INIP: variants seen among roughly 807,000 people sequenced by gnomAD.
INIP encodes the protein INTS3 and NABP interacting protein.
In INIP, 9 loss-of-function variants were observed where a neutral mutation model predicts 14.0. The observed-to-expected ratio is 0.64, with a 90% CI of 0.39 to 1.12. The LOEUF is 1.12. Ranked by LOEUF, INIP falls within the 50% of genes most tolerant of loss-of-function variation. The pLI is 0.01. For synonymous variants in INIP, 37 were observed against 41.5 expected (o/e 0.89, Z 0.41); for missense variants, 78 against 122.7 (o/e 0.64, Z 1.72).
chr9:112,684,777 TG>T lies in INIP; in HGVS notation c.*2760del, dbSNP rs548474270. On this transcript the variant is annotated 3_prime_UTR_variant, in exon 5 of 5. Coordinates refer to ENST00000374242, the MANE Select transcript of INIP (RefSeq NM_021218.3). ...ACACTAGTCTAGACAATTTCTGACATGGGCAGAGCATGTGCTTGTTCTCACC... is the reference window on the plus strand; with the variant it reads ...ACACTAGTCTAGACAATTTCTGACATGGCAGAGCATGTGCTTGTTCTCACC... The T allele has an allele frequency of 1.9e-3, 284 of 152,316 alleles. 2 individuals are homozygous for T. The highest frequency in any genetic ancestry group is 6.6e-3 in the African/African-American group (275 of 41,560). 9.4% of individuals were successfully genotyped at this position (152,316 alleles called of 1,614,324 possible).
At chr9:112,706,130 G>A (rs1838460541) in intron 2 of INIP, among the ~76,000 whole-genome samples, 1 of 152,146 alleles carries the variant, frequency 6.6e-6, no homozygotes, top group African/African-American at 2.4e-5. Flanking sequence ...TTAGAGAAAT[G>A]CAAATCAAAA....
intron 2 of INIP, among the ~76,000 whole-genome samples, chr9:112,697,286 AC>A (rs1838129039): frequency 6.6e-6 from 1 of 152,220 alleles, no homozygotes; most frequent in South Asian, 2.1e-4. Flanking sequence ...AAGTGGGAGG[AC>A]CACTTGAGGC....
chr9:112,708,042 T>G (rs1011492255), intron 2 of INIP, among the ~76,000 whole-genome samples: 1 of 152,208 alleles, frequency 6.6e-6, no homozygotes, highest in Non-Finnish European at 1.5e-5. Flanking sequence ...TGATTCTAGC[T>G]TTCATGGTTT....
At chr9:112,689,782 G>A (rs1166254551) in intron 3 of INIP, among the ~76,000 whole-genome samples, 165 bp from the exon 4 acceptor site, 1 of 152,046 alleles carries the variant, frequency 6.6e-6, no homozygotes, top group Non-Finnish European at 1.5e-5. Flanking sequence ...TATTTGTTGT[G>A]AAATGGTTAA....
intron 3 of INIP, among the ~76,000 whole-genome samples, chr9:112,692,466 G>A (rs1341305770): frequency 1.3e-5 from 2 of 151,970 alleles, no homozygotes; most frequent in African/African-American, 2.4e-5. Context: ...TGTATTTTTT[G>A]TAGAGATGGG....
At chr9:112,698,696 G>A (rs1838188511) in intron 2 of INIP, among the ~76,000 whole-genome samples, 1 of 152,200 alleles carries the variant, frequency 6.6e-6, no homozygotes, top group South Asian at 2.1e-4. Context: ...GTGCAACTAT[G>A]TATTTCAATA....
intron 2 of INIP, among the ~76,000 whole-genome samples, chr9:112,695,330 T>A (rs1838045896): frequency 6.8e-6 from 1 of 146,414 alleles, no homozygotes; most frequent in African/African-American, 2.6e-5. Context: ...AGAATGAATA[T>A]GGGAGGAAAG....
intron 2 of INIP, among the ~76,000 whole-genome samples, chr9:112,708,048 G>C (rs1838534725): frequency 6.6e-6 from 1 of 152,126 alleles, no homozygotes; most frequent in Non-Finnish European, 1.5e-5. Context: ...TAGCTTTCAT[G>C]GTTTTCAAAC....
At chr9:112,711,006 C>G (rs898813322) in intron 2 of INIP, among the ~76,000 whole-genome samples, 2 of 151,536 alleles carry the variant, frequency 1.3e-5, no homozygotes, top group Non-Finnish European at 2.9e-5. Context: ...AAGCGAGACC[C>G]TGTTTCTACA....
chr9:112,691,467 G>A (rs746957208), intron 3 of INIP, among the ~76,000 whole-genome samples: 5 of 152,154 alleles, frequency 3.3e-5, no homozygotes, highest in Non-Finnish European at 4.4e-5. Flanking sequence ...GGCAGAGGTG[G>A]TGCTTAGAAG....
chr9:112,715,179 C>T (rs561831017), intron 2 of INIP, among the ~76,000 whole-genome samples: 383 of 132,576 alleles, frequency 2.9e-3, no homozygotes, highest in Non-Finnish European at 5.1e-3. Context: ...CACACACACA[C>T]GGTTTAAAAG....
chr9:112,693,294 T>A (rs1482090910), intron 3 of INIP, among the ~76,000 whole-genome samples: 1 of 152,112 alleles, frequency 6.6e-6, no homozygotes, highest in African/African-American at 2.4e-5. Context: ...AAGCTCTCTC[T>A]CTCCCCTCCC....
At chr9:112,698,653 T>C (rs1838186618) in intron 2 of INIP, among the ~76,000 whole-genome samples, 1 of 152,202 alleles carries the variant, frequency 6.6e-6, no homozygotes, top group Admixed American at 6.5e-5. Context: ...GATATAAAAG[T>C]GTACCCCAAC....
intron 2 of INIP, among the ~76,000 whole-genome samples, chr9:112,715,689 C>T (rs1838788593): frequency 6.6e-6 from 1 of 151,554 alleles, no homozygotes; most frequent in South Asian, 2.1e-4. Flanking sequence ...AGGAGGATTG[C>T]TTGAACCTGG....
rs16917232 is a variant in INIP at position 112,688,284 on chromosome 9, T to C, written c.220-651A>G. On this transcript the variant is annotated intron_variant, in intron 4 of 4. Transcript: ENST00000374242. ...TGACTCAAAGACATGAACTGTTTTG[T>C]TCCTTCCAGTGAGGAAAACAAGTAT... Among the ~76,000 whole-genome samples the C allele has an allele frequency of 4.9e-4, 75 of 152,158 alleles. 1 individual carries two copies. The East Asian group carries it at 0.014, about 28-fold the overall frequency.
In INIP at chr9:112,718,025, T is replaced by C. The variant is rs1838886965; in HGVS notation, c.-95A>G. On this transcript the variant is annotated 5_prime_UTR_variant, in exon 1 of 5. Transcript: ENST00000374242. ...ACACCGGGACCGCCTCTCCTTACAATCGCTGCTCTTAAAGGGGGCGCGACC... is the reference window on the plus strand; with the variant it reads ...ACACCGGGACCGCCTCTCCTTACAACCGCTGCTCTTAAAGGGGGCGCGACC... 1 of 152,672 alleles carries C rather than the reference T, an allele frequency of 6.5e-6. No individual in the cohort carries two copies. Among genetic ancestry groups the C allele is most frequent in the African/African-American group, 2.4e-5 (1 of 41,436 alleles). The allele number at this position is 152,672 out of a possible 1,614,324, so 9.5% of individuals were successfully genotyped here. A position where few individuals can be genotyped will look rare whatever the true frequency, so the allele number is the denominator to read the frequency against.
At chr9:112,689,359 A>T (rs1310103611) in intron 4 of INIP, among the ~76,000 whole-genome samples, 168 bp downstream of exon 4, 1 of 152,230 alleles carries the variant, frequency 6.6e-6, no homozygotes, top group Non-Finnish European at 1.5e-5. Context: ...TTACTGCTGC[A>T]CTGGTCCTTC....
At chr9:112,688,248 C>CA (rs1837753591) in intron 4 of INIP, among the ~76,000 whole-genome samples, 1 of 152,146 alleles carries the variant, frequency 6.6e-6, no homozygotes, top group Non-Finnish European at 1.5e-5. Flanking sequence ...TGATCATCCT[C>CA]AGTCCATAAA....
At position 112,713,334 on chromosome 9, in the gene INIP, G is replaced by T. The variant is rs144345474; in HGVS notation, c.25+3127C>A. Among the ~76,000 whole-genome samples the T allele has an allele frequency of 4.8e-3, 734 of 152,274 alleles. 6 individuals are homozygous for T. Among genetic ancestry groups the T allele is most frequent in the African/African-American group, 0.017 (700 of 41,546 alleles). Reference sequence around the variant, plus strand: ...GAATCAACCAGAATATTCACATATTGCTGGAGAGAATATAAAACAGTACAA... The same window carrying T: ...GAATCAACCAGAATATTCACATATTTCTGGAGAGAATATAAAACAGTACAA... On this transcript the variant is annotated intron_variant, in intron 2 of 4. Coordinates refer to ENST00000374242, the MANE Select transcript of INIP (RefSeq NM_021218.3).
Sources: allele counts gnomAD v4.1 joint callset (sites outside exome capture counted in the v4.1 genomes callset), GRCh38; gene constraint gnomAD v4.1.1; transcripts MANE v1.5; gene names NCBI Gene and HGNC (gene_info 2026-07-23, HGNC 2026-07-21).